NIN: variants seen among roughly 807,000 people sequenced by gnomAD.
NIN encodes the protein glycogen synthase kinase 3 beta-interacting protein.
Under a neutral mutation model 257.6 loss-of-function variants are expected in NIN, and 137 were observed. That is an observed-to-expected ratio of 0.53 (90% CI 0.46 to 0.61). The LOEUF (loss-of-function observed/expected upper bound fraction) is 0.61. NIN is among the 20% of genes least tolerant of loss of function. The pLI, the probability that NIN is intolerant of heterozygous loss-of-function variation, is 0.00. For synonymous variants in NIN, 918 were observed against 919.8 expected, an observed-to-expected ratio of 1.00 and a Z score of 0.04; for missense variants, 2,439 against 2,501.2, an observed-to-expected ratio of 0.98 and a Z score of 0.53.
At position 50,773,100 on chromosome 14, in the gene NIN, A is replaced by T. The variant is rs778763740; in HGVS notation, c.667-5T>A. 3.1e-6 allele frequency: 5 copies of T among 1,608,924 alleles called. No individual in the cohort carries two copies. The highest frequency in any genetic ancestry group is 4.2e-6 in the Non-Finnish European group (5 of 1,176,900). ...ATGGAATACTTCCTCGAGCATCTAGAAAAGAGTCATCACATATTTTAAATA... is the reference window on the plus strand; with the variant it reads ...ATGGAATACTTCCTCGAGCATCTAGTAAAGAGTCATCACATATTTTAAATA... On this transcript the variant is annotated splice_region_variant and splice_polypyrimidine_tract_variant and intron_variant, in intron 7 of 30. Transcript: ENST00000530997.
intron 9 of NIN, 148 bp from the exon 10 acceptor site, chr14:50,771,616 A>G: frequency 1.2e-6 from 1 of 812,318 alleles, no homozygotes; most frequent in South Asian, 1.8e-5. Flanking sequence ...GCTTAGGAAC[A>G]GCCATCAGTC....
In NIN at chr14:50,763,888, G is replaced by C. The variant is rs201033602; in HGVS notation, c.1712C>G (p.Pro571Arg). ...TTCTTCTGACGGTGAGTTCTTCAAC[G>C]GAAGCCTGAGCACTCTGCCTTGTGC... ...YRAQGRVLRL[P>R]LKNSPSEEVE... Residue 571 changes from proline to arginine, a missense_variant, in exon 15 of 31, where the codon CCG becomes CGG. Pro to Arg is a moderately radical substitution (Grantham distance 103). This residue lies in a region of NIN where 2,043 missense variants were observed against 2,050.2 expected (regional missense o/e 1.00). Transcript: ENST00000530997. 31 of 1,613,876 alleles carry C rather than the reference G, an allele frequency of 1.9e-5. No individual in the cohort carries two copies. The Admixed American group carries it at 5.0e-4, about 26-fold the overall frequency.
At chr14:50,727,911 T>C (rs962696774) in intron 29 of NIN, among the ~76,000 whole-genome samples, 1 of 152,132 alleles carries the variant, frequency 6.6e-6, no homozygotes, top group African/African-American at 2.4e-5. Flanking sequence ...AGAGATCACA[T>C]CACTCCACAC....
At chr14:50,824,808 T>C (rs1566886791) in intron 2 of NIN, among the ~76,000 whole-genome samples, 1 of 152,160 alleles carries the variant, frequency 6.6e-6, no homozygotes, top group East Asian at 1.9e-4. Context: ...GCCCATCTCA[T>C]CCACCTACAC....
At chr14:50,826,838 C>T (rs1030763249) in intron 2 of NIN, among the ~76,000 whole-genome samples, 4 of 152,184 alleles carry the variant, frequency 2.6e-5, no homozygotes, top group Admixed American at 6.5e-5. Context: ...AAGAGCTCTG[C>T]GGAATGTCTG....
intron 20 of NIN, among the ~76,000 whole-genome samples, chr14:50,753,384 G>C (rs1297238621): frequency 6.6e-6 from 1 of 152,174 alleles, no homozygotes; most frequent in Admixed American, 6.5e-5. Context: ...TGGGCAACAA[G>C]AGCGAAACTC....
intron 18 of NIN, among the ~76,000 whole-genome samples, chr14:50,755,690 G>T (rs1449535307): frequency 8.1e-6 from 1 of 122,746 alleles, no homozygotes; most frequent in Non-Finnish European, 1.6e-5. Context: ...AAAGAGACAG[G>T]GTCTCACTCT....
chr14:50,775,650 T>C (rs1034362287), intron 7 of NIN, among the ~76,000 whole-genome samples: 2 of 152,216 alleles, frequency 1.3e-5, no homozygotes, highest in East Asian at 3.9e-4. Context: ...AATAACTAAA[T>C]GTGCTACTTC....
chr14:50,744,271 C>A lies in NIN; in HGVS notation c.5159G>T (p.Ser1720Ile), dbSNP rs753294051. The A allele has an allele frequency of 1.9e-6, 3 of 1,614,064 alleles. No homozygotes were observed. The highest frequency in any genetic ancestry group is 2.2e-5 in the South Asian group (2 of 91,082). The change falls in exon 23 of 31, where the codon AGT becomes ATT. Residue 1720 changes from serine (S) to isoleucine (I), a missense_variant. This residue lies in a region of NIN where 2,043 missense variants were observed against 2,050.2 expected (regional missense o/e 1.00). Coordinates refer to ENST00000530997, the MANE Select transcript of NIN (RefSeq NM_020921.4). ...EKLLKEKEAL[S>I]EELNSCVDKL... ...ATCGACACAGCTATTTAATTCCTCACTCAGAGCTTCCTTTTCTTTCAGCAG... is the reference window on the plus strand; with the variant it reads ...ATCGACACAGCTATTTAATTCCTCAATCAGAGCTTCCTTTTCTTTCAGCAG...
intron 21 of NIN, among the ~76,000 whole-genome samples, chr14:50,751,006 G>C (rs558921869): frequency 6.0e-4 from 92 of 152,210 alleles, no homozygotes; most frequent in Non-Finnish European, 1.0e-3. Flanking sequence ...CACACACAAA[G>C]GCATTCTATA....
At chr14:50,776,358 TA>T (rs1234568398) in intron 7 of NIN, among the ~76,000 whole-genome samples, 1 of 152,112 alleles carries the variant, frequency 6.6e-6, no homozygotes, top group African/African-American at 2.4e-5. Context: ...ACAACCAAAC[TA>T]CCCTTTACCA....
chr14:50,749,227 A>G (rs574897096), intron 21 of NIN, among the ~76,000 whole-genome samples: 8 of 152,364 alleles, frequency 5.3e-5, no homozygotes, highest in Middle Eastern at 3.4e-3. Flanking sequence ...TCCCTATTTA[A>G]TAAATGGTGT....
At chr14:50,822,608 C>T (rs2045278604) in intron 2 of NIN, among the ~76,000 whole-genome samples, 1 of 152,214 alleles carries the variant, frequency 6.6e-6, no homozygotes, top group Non-Finnish European at 1.5e-5. Context: ...CTGATTCGTT[C>T]TACTTCATTC....
chr14:50,723,779 C>T (rs139833732), intron 30 of NIN, 107 bp from the exon 31 acceptor site: 49 of 851,350 alleles, frequency 5.8e-5, no homozygotes, highest in Middle Eastern at 2.3e-4. Flanking sequence ...CAAATCACTT[C>T]GTCTAATTAT....
chr14:50,727,433 CTT>C (rs2040462408), intron 29 of NIN: 1 of 1,147,288 alleles, frequency 8.7e-7, no homozygotes, highest in African/African-American at 1.6e-5. Context: ...AATCCACACT[CTT>C]TAAAGGGTAT....
chr14:50,771,131 C>T, intron 10 of NIN, 139 bp from the exon 11 acceptor site: 2 of 1,189,270 alleles, frequency 1.7e-6, no homozygotes, highest in East Asian at 5.0e-5. Context: ...AAAGGCACTC[C>T]ACCCTTCCCT....
chr14:50,769,071 C>G (rs546476551), intron 12 of NIN, among the ~76,000 whole-genome samples: 27 of 152,346 alleles, frequency 1.8e-4, no homozygotes, highest in Admixed American at 1.3e-3. Flanking sequence ...ATAATTACCT[C>G]AGTTTTTGAT....
At chr14:50,760,512 C>T (rs1218390442) in intron 16 of NIN, among the ~76,000 whole-genome samples, 153 bp from the exon 17 acceptor site, 1 of 143,110 alleles carries the variant, frequency 7.0e-6, no homozygotes, top group East Asian at 2.2e-4. Context: ...CTGAATTCAA[C>T]ACTTTAAGCA....
Position 50,772,321 on chromosome 14 carries a change from T to C in NIN, c.961A>G (p.Asn321Asp). 6.2e-7 allele frequency: 1 copy of C among 1,609,424 alleles called. No homozygotes were observed. Among genetic ancestry groups the C allele is most frequent in the Non-Finnish European group, 8.5e-7 (1 of 1,176,064 alleles). ...LDTWQEEGIE[N>D]SQEILKALDF... ...CACACCTTCAGGATCTCCTGGCTGT[T>C]CTCAATGCCCTCTTCCTGCCAGGTG... The change falls in exon 9 of 31, where the codon AAC becomes GAC. Residue 321 changes from asparagine (N) to aspartate (D), a missense_variant. Coordinates refer to ENST00000530997, the MANE Select transcript of NIN (RefSeq NM_020921.4).
Sources: allele counts gnomAD v4.1 joint callset (sites outside exome capture counted in the v4.1 genomes callset), GRCh38; gene constraint gnomAD v4.1.1; regional missense constraint gnomAD v4.1.1; transcripts MANE v1.5; gene names NCBI Gene and HGNC (gene_info 2026-07-23, HGNC 2026-07-21).